Variants in NKAIN3 observed in about 807,000 individuals in gnomAD.
NKAIN3 encodes the protein sodium/potassium transporting ATPase interacting 3.
NKAIN3 carries 25 observed loss-of-function variants against 30.2 expected under a neutral mutation model. The ratio of observed to expected loss-of-function variants is 0.83; its 90% CI spans 0.60 to 1.16. NKAIN3 has a LOEUF of 1.16. NKAIN3 is among the 50% of genes most tolerant of loss of function. The probability of loss-of-function intolerance (pLI) is 0.00; values close to 1 mark genes in which losing one functional copy is unlikely to be tolerated. For missense variants in NKAIN3, 225 were observed against 254.1 expected, an observed-to-expected ratio of 0.89 and a Z score of 0.78; for synonymous variants, 91 against 89.6, an observed-to-expected ratio of 1.02 and a Z score of -0.09.
chr8:62,764,006 G>A (rs1419549216), intron 4 of NKAIN3, among the ~76,000 whole-genome samples: 1 of 152,224 alleles, frequency 6.6e-6, no homozygotes, highest in African/African-American at 2.4e-5. Flanking sequence ...GGTTATATCA[G>A]GCTGGCATGT....
At chr8:62,871,900 C>A (rs1820657494) in intron 4 of NKAIN3, among the ~76,000 whole-genome samples, 1 of 152,112 alleles carries the variant, frequency 6.6e-6, no homozygotes, top group Non-Finnish European at 1.5e-5. Flanking sequence ...CTTAACTTTC[C>A]AAAAAATATA....
At chr8:62,509,010 T>C (rs1290856483) in intron 1 of NKAIN3, among the ~76,000 whole-genome samples, 1 of 151,196 alleles carries the variant, frequency 6.6e-6, no homozygotes, top group Non-Finnish European at 1.5e-5. Flanking sequence ...GCTCTGTATA[T>C]CTTTAGTGAG....
intron 1 of NKAIN3, among the ~76,000 whole-genome samples, chr8:62,345,449 A>G (rs1815929630): frequency 8.3e-6 from 1 of 121,072 alleles, no homozygotes; most frequent in Non-Finnish European, 1.7e-5. Context: ...ATATATACAC[A>G]CATATGTATA....
chr8:62,991,978 C>T (rs778756683), intron 5 of NKAIN3, among the ~76,000 whole-genome samples: 9 of 150,310 alleles, frequency 6.0e-5, no homozygotes, highest in Non-Finnish European at 1.0e-4. Context: ...ATACCCAGCA[C>T]TGCTCCCCTC....
chr8:62,821,084 G>A (rs1035465361), intron 4 of NKAIN3, among the ~76,000 whole-genome samples: 3 of 152,006 alleles, frequency 2.0e-5, no homozygotes, highest in African/African-American at 7.2e-5. Flanking sequence ...TTTAGCTCTT[G>A]GTTTTTATAA....
intron 3 of NKAIN3, among the ~76,000 whole-genome samples, chr8:62,634,668 G>C (rs1212378155): frequency 2.6e-5 from 4 of 152,196 alleles, no homozygotes; most frequent in Admixed American, 2.0e-4. Flanking sequence ...TGCAGGGACA[G>C]CTAGGAGAGG....
intron 2 of NKAIN3, among the ~76,000 whole-genome samples, chr8:62,582,935 C>A (rs990856624): frequency 1.3e-5 from 2 of 152,132 alleles, no homozygotes; most frequent in Non-Finnish European, 2.9e-5. Context: ...TCCTGCTGCA[C>A]CTGCCTCACC....
intron 4 of NKAIN3, among the ~76,000 whole-genome samples, chr8:62,776,783 CTTA>C (rs1817204324): frequency 6.6e-6 from 1 of 152,056 alleles, no homozygotes; most frequent in African/African-American, 2.4e-5. Context: ...TTTCTGTGTA[CTTA>C]TTATTACCAG....
intron 6 of NKAIN3, 145 bp from the exon 7 acceptor site, chr8:62,965,209 G>A (rs1025687987): frequency 1.4e-6 from 1 of 710,652 alleles, no homozygotes; most frequent in African/African-American, 1.9e-5. Context: ...GAAGGCCCAA[G>A]TCTTTAACTT....
chr8:62,373,960 A>G (rs760830157), intron 1 of NKAIN3, among the ~76,000 whole-genome samples: 4 of 151,840 alleles, frequency 2.6e-5, no homozygotes, highest in Non-Finnish European at 4.4e-5. Context: ...TAAAATACAA[A>G]AAATTAGCCA....
chr8:62,629,679 C>A (rs535844007), intron 3 of NKAIN3, among the ~76,000 whole-genome samples: 278 of 152,198 alleles, frequency 1.8e-3, no homozygotes, highest in African/African-American at 6.5e-3. Context: ...TTAAGGAAAG[C>A]AAATAGTTAA....
chr8:62,380,875 A>C (rs549878161), intron 1 of NKAIN3, among the ~76,000 whole-genome samples: 16 of 152,176 alleles, frequency 1.1e-4, no homozygotes, highest in Non-Finnish European at 1.8e-4. Flanking sequence ...GTGAAATATG[A>C]GCTCGGTTGT....
At chr8:62,513,301 T>C (rs989836387) in intron 1 of NKAIN3, among the ~76,000 whole-genome samples, 1 of 151,370 alleles carries the variant, frequency 6.6e-6, no homozygotes, top group Admixed American at 6.6e-5. Context: ...GGACTGAAGC[T>C]AAATGCAACT....
At chr8:62,940,517 C>A (rs1034667907) in intron 5 of NKAIN3, among the ~76,000 whole-genome samples, 12 of 151,886 alleles carry the variant, frequency 7.9e-5, no homozygotes, top group Non-Finnish European at 1.5e-4. Flanking sequence ...ATAAGATAGC[C>A]CACAAAACCA....
At chr8:62,283,931 G>T (rs965633807) in intron 1 of NKAIN3, among the ~76,000 whole-genome samples, 4 of 152,118 alleles carry the variant, frequency 2.6e-5, no homozygotes, top group African/African-American at 9.7e-5. Flanking sequence ...GATTTAAAGA[G>T]AAATCATACA....
intron 1 of NKAIN3, among the ~76,000 whole-genome samples, chr8:62,517,082 A>C (rs1270790013): frequency 6.6e-6 from 1 of 152,124 alleles, no homozygotes; most frequent in African/African-American, 2.4e-5. Flanking sequence ...TCTTTATAAA[A>C]GCAGTCTTTT....
At chr8:62,861,424 A>G (rs1820235499) in intron 4 of NKAIN3, among the ~76,000 whole-genome samples, 1 of 152,208 alleles carries the variant, frequency 6.6e-6, no homozygotes, top group African/African-American at 2.4e-5. Context: ...CTAGTCCCTC[A>G]CAACCTTGTG....
At chr8:62,556,567 A>G (rs1809397460) in intron 1 of NKAIN3, among the ~76,000 whole-genome samples, 1 of 151,894 alleles carries the variant, frequency 6.6e-6, no homozygotes, top group Non-Finnish European at 1.5e-5. Flanking sequence ...CAGCTATATA[A>G]TATATAGGAA....
chr8:62,657,402 C>T (rs1485435650), intron 3 of NKAIN3, among the ~76,000 whole-genome samples: 1 of 152,118 alleles, frequency 6.6e-6, no homozygotes, highest in Non-Finnish European at 1.5e-5. Flanking sequence ...AAATCATATC[C>T]TATCATGTGC....
Sources: gnomAD v4.1 joint callset for allele counts (sites outside exome capture counted in the v4.1 genomes callset) on GRCh38, gnomAD v4.1.1 for gene constraint, MANE v1.5 for transcripts, NCBI Gene and HGNC (gene_info 2026-07-23, HGNC 2026-07-21) for gene names.